Variants in CREB5 observed in about 807,000 individuals in gnomAD.
CREB5 encodes the protein cyclic AMP-responsive element-binding protein 5.
In CREB5, 19 loss-of-function variants were observed where a neutral mutation model predicts 57.1. The observed-to-expected ratio is 0.33, with a 90% CI of 0.23 to 0.49. CREB5 has a LOEUF of 0.49. Among genes scored for constraint, CREB5 ranks in the 20% least tolerant of loss-of-function variants. The pLI is 0.99. For missense variants in CREB5, 579 were observed against 671.6 expected, an observed-to-expected ratio of 0.86 and a Z score of 1.52; for synonymous variants, 238 against 238.3, an observed-to-expected ratio of 1.00 and a Z score of 0.01.
intron 4 of CREB5, among the ~76,000 whole-genome samples, chr7:28,550,033 G>A (rs549460093): frequency 3.3e-5 from 5 of 152,224 alleles, no homozygotes; most frequent in South Asian, 4.1e-4. Flanking sequence ...CTTCAGGCTC[G>A]AAGATATTTT....
chr7:28,518,097 A>G (rs1026579562), intron 4 of CREB5, among the ~76,000 whole-genome samples: 6 of 152,116 alleles, frequency 3.9e-5, no homozygotes, highest in African/African-American at 1.4e-4. Flanking sequence ...CCTCTCTGTA[A>G]AATGAGGACT....
intron 1 of CREB5, among the ~76,000 whole-genome samples, chr7:28,368,075 A>G (rs1786626592): frequency 6.6e-6 from 1 of 152,196 alleles, no homozygotes; most frequent in Admixed American, 6.5e-5. Flanking sequence ...CCACTGGCTA[A>G]AACACTATAC....
At chr7:28,560,963 T>TGCGCGTGC (rs1194418363) in intron 4 of CREB5, among the ~76,000 whole-genome samples, 1,894 of 47,930 alleles carry the variant, frequency 0.04, 250 homozygotes, top group Non-Finnish European at 0.045. Flanking sequence ...TGTGTGTGCG[T>TGCGCGTGC]GTGTGTGTGC....
chr7:28,564,457 TG>T (rs1249315779), intron 4 of CREB5, among the ~76,000 whole-genome samples: 2 of 152,230 alleles, frequency 1.3e-5, no homozygotes, highest in Non-Finnish European at 2.9e-5. Flanking sequence ...TGCATCAGAT[TG>T]TTTTTTTGCA....
intron 5 of CREB5, among the ~76,000 whole-genome samples, chr7:28,599,830 A>G (rs2128669254): frequency 6.6e-6 from 1 of 152,218 alleles, no homozygotes; most frequent in East Asian, 1.9e-4. Context: ...GAAGTCAGGG[A>G]CAGGCAGGAT....
chr7:28,412,077 A>G (rs894808779), upstream of CREB5, among the ~76,000 whole-genome samples: 3 of 152,242 alleles, frequency 2.0e-5, no homozygotes, highest in African/African-American at 4.8e-5. Flanking sequence ...CAGAGGATTA[A>G]CAGGCTCTTT....
intron 1 of CREB5, among the ~76,000 whole-genome samples, chr7:28,365,936 C>G (rs1786577658): frequency 6.6e-6 from 1 of 152,038 alleles, no homozygotes; most frequent in South Asian, 2.1e-4. Flanking sequence ...TAAATAGTTG[C>G]TAGGGATAGA....
intron 4 of CREB5, among the ~76,000 whole-genome samples, chr7:28,540,096 G>A (rs28664992): frequency 2.0e-5 from 3 of 151,976 alleles, no homozygotes; most frequent in African/African-American, 7.3e-5. Flanking sequence ...TTTATAAAGG[G>A]CATTTCCAAA....
intron 1 of CREB5, among the ~76,000 whole-genome samples, chr7:28,442,686 A>G (rs555400898): frequency 6.6e-6 from 1 of 151,966 alleles, no homozygotes; most frequent in Non-Finnish European, 1.5e-5. Flanking sequence ...TGTGGTTTTG[A>G]TTTGCATTTT....
chr7:28,513,710 A>G (rs216704), intron 4 of CREB5: 87,342 of 152,060 alleles, frequency 0.57, 26,574 homozygotes, highest in Admixed American at 0.7. Context: ...ACTCAGGGGA[A>G]TGACTAAACC....
At chr7:28,442,497 GT>G (rs34311992) in intron 1 of CREB5, among the ~76,000 whole-genome samples, 4 of 151,658 alleles carry the variant, frequency 2.6e-5, no homozygotes, top group Non-Finnish European at 5.9e-5. Flanking sequence ...TTATATGGTA[GT>G]TTTTTTTGTT....
At chr7:28,703,339 C>T (rs1801957564) in intron 5 of CREB5, among the ~76,000 whole-genome samples, 1 of 152,088 alleles carries the variant, frequency 6.6e-6, no homozygotes, top group Non-Finnish European at 1.5e-5. Context: ...GATGAGGAAT[C>T]TCAAAGTTAA....
chr7:28,411,725 T>G (rs1374992369), upstream of CREB5, among the ~76,000 whole-genome samples: 1 of 152,214 alleles, frequency 6.6e-6, no homozygotes, highest in Non-Finnish European at 1.5e-5. Flanking sequence ...GGGAATTTCT[T>G]GAAGAACACA....
intron 4 of CREB5, among the ~76,000 whole-genome samples, chr7:28,529,686 G>A (rs1159937717): frequency 6.6e-6 from 1 of 152,174 alleles, no homozygotes; most frequent in East Asian, 1.9e-4. Flanking sequence ...GGGAGAGCAA[G>A]TCAGAAGGAT....
chr7:28,616,767 T>C (rs1275584185), intron 5 of CREB5, among the ~76,000 whole-genome samples: 1 of 152,228 alleles, frequency 6.6e-6, no homozygotes, highest in East Asian at 1.9e-4. Context: ...TTAAACAGTT[T>C]ATGATTTTCA....
chr7:28,753,524 C>G (rs1487255578), intron 7 of CREB5, among the ~76,000 whole-genome samples: 1 of 152,086 alleles, frequency 6.6e-6, no homozygotes, highest in Non-Finnish European at 1.5e-5. Context: ...CTTATATTAA[C>G]AACAGGAAGA....
intron 5 of CREB5, among the ~76,000 whole-genome samples, chr7:28,649,317 G>T (rs1436531448): frequency 6.6e-6 from 1 of 152,234 alleles, no homozygotes; most frequent in Non-Finnish European, 1.5e-5. Context: ...TTTGTAAATG[G>T]TTGGAAAGAT....
At chr7:28,648,267 G>A (rs570585135) in intron 5 of CREB5, among the ~76,000 whole-genome samples, 1 of 152,260 alleles carries the variant, frequency 6.6e-6, no homozygotes, top group African/African-American at 2.4e-5. Flanking sequence ...GCACCAAAGT[G>A]TGTGATTTCT....
intron 5 of CREB5, among the ~76,000 whole-genome samples, chr7:28,714,841 A>C (rs903373901): frequency 3.3e-5 from 5 of 152,206 alleles, no homozygotes; most frequent in Admixed American, 6.5e-5. Context: ...ACCTTGTTCC[A>C]TGCCTCAATA....
Sources: allele counts gnomAD v4.1 joint callset (sites outside exome capture counted in the v4.1 genomes callset), GRCh38; gene constraint gnomAD v4.1.1; transcripts MANE v1.5; gene names NCBI Gene and HGNC (gene_info 2026-07-23, HGNC 2026-07-21).